The following SVOPL variants were observed in gnomAD, a reference collection of about 807,000 sequenced individuals.
The protein encoded by SVOPL is putative transporter SVOPL.
Under a neutral mutation model 61.0 loss-of-function variants are expected in SVOPL, and 60 were observed. The observed-to-expected ratio is 0.98, with a 90% CI of 0.80 to 1.22. The LOEUF (loss-of-function observed/expected upper bound fraction) is 1.22, where lower values mean the gene tolerates loss of function less well. Among genes scored for constraint, SVOPL ranks in the 50% most tolerant of loss-of-function variants. The probability of loss-of-function intolerance (pLI) is 0.00; values close to 1 mark genes in which losing one functional copy is unlikely to be tolerated. For synonymous variants in SVOPL, 279 were observed against 250.0 expected, an observed-to-expected ratio of 1.12 and a Z score of -1.09; for missense variants, 662 against 643.9, an observed-to-expected ratio of 1.03 and a Z score of -0.30.
In SVOPL at chr7:138,594,440, A is replaced by G; in HGVS notation, c.*170T>C. 1 of 428,496 alleles carries G rather than the reference A, an allele frequency of 2.3e-6. No homozygotes were observed. The highest frequency in any genetic ancestry group is 4.1e-6 in the Non-Finnish European group (1 of 241,800). The allele number at this position is 428,496 out of a possible 1,614,324, so 26.5% of individuals were successfully genotyped here. ...CTTTATATATTGTTCCTCAAGGAAG[A>G]GATCAATATACAGTTACCTACCCCA... On this transcript the variant is annotated 3_prime_UTR_variant, in exon 16 of 16. Transcript: ENST00000674285.
chr7:138,617,842 G>A (rs569453197), intron 14 of SVOPL, among the ~76,000 whole-genome samples: 75 of 152,124 alleles, frequency 4.9e-4, no homozygotes, highest in African/African-American at 1.7e-3. Context: ...TCTTTAAGGT[G>A]GAGGTGGGGA....
intron 1 of SVOPL, among the ~76,000 whole-genome samples, chr7:138,700,714 A>C (rs73166907): frequency 1.1e-4 from 15 of 132,638 alleles, no homozygotes; most frequent in African/African-American, 4.0e-4. Flanking sequence ...GGATGGATGG[A>C]TGGCAGATGG....
intron 9 of SVOPL, among the ~76,000 whole-genome samples, chr7:138,639,790 C>T (rs1800690639): frequency 1.3e-5 from 2 of 152,120 alleles, no homozygotes; most frequent in African/African-American, 2.4e-5. Context: ...CTCACTGCAG[C>T]CTTGACATCC....
intron 8 of SVOPL, among the ~76,000 whole-genome samples, chr7:138,645,386 T>C (rs182032813): frequency 2.0e-4 from 30 of 152,190 alleles, no homozygotes; most frequent in African/African-American, 7.0e-4. Context: ...CCACCTCCCG[T>C]CTCTCACGCC....
At chr7:138,599,903 AAGG>A in intron 14 of SVOPL, among the ~76,000 whole-genome samples, 2 of 151,582 alleles carry the variant, frequency 1.3e-5, no homozygotes, top group Non-Finnish European at 2.9e-5. Flanking sequence ...AAAAAAAAAA[AAGG>A]AAAAAAAATC....
chr7:138,700,118 C>A (rs1018497710), intron 1 of SVOPL, among the ~76,000 whole-genome samples: 1 of 152,136 alleles, frequency 6.6e-6, no homozygotes, highest in Non-Finnish European at 1.5e-5. Flanking sequence ...AAAGGACACT[C>A]AAACACAAAC....
chr7:138,678,578 G>T, intron 2 of SVOPL, 53 bp from the exon 3 acceptor site: 1 of 1,510,876 alleles, frequency 6.6e-7, no homozygotes, highest in Non-Finnish European at 9.0e-7. Flanking sequence ...AAGGGAATGC[G>T]TGTGGACTAT....
At chr7:138,682,054 A>G (rs1394084776) in intron 1 of SVOPL, among the ~76,000 whole-genome samples, 3 of 152,210 alleles carry the variant, frequency 2.0e-5, no homozygotes, top group Non-Finnish European at 4.4e-5. Context: ...ACTTTTTTGT[A>G]CAAATTGTCT....
rs1563108924 is a variant in SVOPL, at chr7:138,637,499, T to TATAG, written c.789+7217_789+7218insCTAT. On this transcript the variant is annotated intron_variant, in intron 9 of 15. Coordinates refer to ENST00000674285, the MANE Select transcript of SVOPL (RefSeq NM_001139456.2). Reference sequence around the variant, plus strand: ...AGATATAGATATAGATAGATATATATATATATATATAGATAGATAGATACA... The same window carrying TATAG: ...AGATATAGATATAGATAGATATATATATAGATATATATATAGATAGATAGATACA... Among the ~76,000 whole-genome samples the TATAG allele has an allele frequency of 1.2e-3, 68 of 57,384 alleles. 2 individuals are homozygous for TATAG. In the South Asian group the frequency reaches 0.023, roughly 20 times the overall value. The allele number at this position is 57,384 out of a possible 152,430, so 37.6% of individuals were successfully genotyped here. A position where few individuals can be genotyped will look rare whatever the true frequency, so the allele number is the denominator to read the frequency against.
chr7:138,620,514 C>CCCCCA (rs1799517599), intron 14 of SVOPL, among the ~76,000 whole-genome samples: 1 of 151,410 alleles, frequency 6.6e-6, no homozygotes, highest in Non-Finnish European at 1.5e-5. Context: ...GGAACCACGA[C>CCCCCA]CCCCAGGGTC....
intron 9 of SVOPL, among the ~76,000 whole-genome samples, 189 bp downstream of exon 9, chr7:138,644,528 T>C (rs1407402958): frequency 1.3e-5 from 2 of 152,168 alleles, no homozygotes; most frequent in Admixed American, 1.3e-4. Flanking sequence ...AAAACAAAGA[T>C]AGGTAACTCA....
chr7:138,641,836 CAT>C (rs1371202219), intron 9 of SVOPL, among the ~76,000 whole-genome samples: 17 of 30,240 alleles, frequency 5.6e-4, no homozygotes, highest in East Asian at 4.5e-3. Context: ...ATATATATAA[CAT>C]ATATATATAA....
rs1164526329 is a variant in SVOPL, at chr7:138,681,171, TATA to T, written c.-34-2095_-34-2093del. Among the ~76,000 whole-genome samples the T allele has an allele frequency of 1.3e-5, 2 of 148,732 alleles. 1 individual carries two copies. Among genetic ancestry groups the T allele is most frequent in the South Asian group, 4.2e-4 (2 of 4,772 alleles). On this transcript the variant is annotated intron_variant, in intron 1 of 15. Coordinates refer to ENST00000674285, the MANE Select transcript of SVOPL (RefSeq NM_001139456.2). ...AGAGATATGAAATTATTATATAACA[TATA>T]ATATTAACAAATATATGTTATTAAC...
rs776508035 is a variant in SVOPL at position 138,663,160 on chromosome 7, G to T, written c.274-15C>A. 2 of 1,611,412 alleles carry T rather than the reference G, an allele frequency of 1.2e-6. No homozygotes were observed. Among genetic ancestry groups the T allele is most frequent in the Non-Finnish European group, 1.7e-6 (2 of 1,178,926 alleles). On this transcript the variant is annotated splice_polypyrimidine_tract_variant and intron_variant, in intron 4 of 15. Transcript: ENST00000674285. ...AAAAACACCATCTGCAAGTGGGAGCGAGATAAAACGGTTCTCTAAGCAGGT... is the reference window on the plus strand; with the variant it reads ...AAAAACACCATCTGCAAGTGGGAGCTAGATAAAACGGTTCTCTAAGCAGGT...
intron 1 of SVOPL, among the ~76,000 whole-genome samples, chr7:138,684,001 C>T (rs144757769): frequency 0.024 from 3,612 of 149,856 alleles, 56 homozygotes; most frequent in Admixed American, 0.034. Flanking sequence ...TGCAGTGAGC[C>T]GAAATCATGC....
chr7:138,615,852 T>A (rs895003529), intron 14 of SVOPL, among the ~76,000 whole-genome samples: 14 of 143,086 alleles, frequency 9.8e-5, no homozygotes, highest in African/African-American at 1.7e-4. Context: ...AAAAATTTTT[T>A]AAAAAATAAA....
chr7:138,655,571 GCACACACA>G (rs149051889), intron 7 of SVOPL, among the ~76,000 whole-genome samples: 4 of 148,442 alleles, frequency 2.7e-5, no homozygotes, highest in Non-Finnish European at 6.0e-5. Flanking sequence ...CTACACACAC[GCACACACA>G]CACACACCCC....
chr7:138,664,642 C>T (rs578198652), intron 4 of SVOPL, among the ~76,000 whole-genome samples: 72 of 150,292 alleles, frequency 4.8e-4, no homozygotes, highest in African/African-American at 1.7e-3. Flanking sequence ...TCCAGCACCC[C>T]CGATCCTCCA....
intron 1 of SVOPL, among the ~76,000 whole-genome samples, chr7:138,698,688 C>T (rs1803125376): frequency 1.3e-5 from 2 of 152,132 alleles, no homozygotes; most frequent in Admixed American, 6.5e-5. Context: ...GATAAACTTT[C>T]TCTTAAGTGT....
Sources: gnomAD v4.1 joint callset for allele counts (sites outside exome capture counted in the v4.1 genomes callset) on GRCh38, gnomAD v4.1.1 for gene constraint, MANE v1.5 for transcripts, NCBI Gene and HGNC (gene_info 2026-07-23, HGNC 2026-07-21) for gene names.